ZNF582: variants seen among roughly 807,000 people sequenced by gnomAD.
ZNF582 encodes the protein zinc finger protein 582.
A neutral mutation model predicts 12.3 loss-of-function variants in ZNF582; 14 were observed. The ratio of observed to expected loss-of-function variants is 1.14; its 90% CI spans 0.75 to 1.78. The LOEUF (loss-of-function observed/expected upper bound fraction) is 1.78. ZNF582 is among the 40% of genes most tolerant of loss of function. ZNF582 has a pLI of 0.00. For synonymous variants in ZNF582, 210 were observed against 207.2 expected (o/e 1.01, Z -0.11); for missense variants, 567 against 616.5 (o/e 0.92, Z 0.85).
At chr19:56,390,902 A>G (rs960271497) in intron 2 of ZNF582, among the ~76,000 whole-genome samples, 6 of 152,224 alleles carry the variant, frequency 3.9e-5, no homozygotes, top group African/African-American at 1.4e-4. Flanking sequence ...TTTTCCCCAA[A>G]TATTTTATTT....
chr19:56,393,355 C>T (rs576442725), exon 1 of ZNF582: 4 of 983,452 alleles, frequency 4.1e-6, no homozygotes, highest in South Asian at 4.0e-5. Context: ...GAGACGTCTG[C>T]GTTCTTCTCA....
intron 1 of ZNF582, 79 bp from the exon 2 acceptor site, chr19:56,391,911 G>A: frequency 8.1e-7 from 1 of 1,237,796 alleles, no homozygotes; most frequent in Admixed American, 2.0e-5. Flanking sequence ...GTCCCCACCT[G>A]CTTGCCCTCT....
At chr19:56,388,672 G>A (rs1159873650) in intron 4 of ZNF582, among the ~76,000 whole-genome samples, 3 of 151,946 alleles carry the variant, frequency 2.0e-5, no homozygotes, top group East Asian at 1.9e-4. Flanking sequence ...TCTCTCTGTT[G>A]CCCCAGCTGG....
At chr19:56,390,433 A>G (rs1396746933) in exon 3 of ZNF582, 1 of 1,614,146 alleles carries the variant, frequency 6.2e-7, no homozygotes, top group Non-Finnish European at 8.5e-7. Context: ...AATCCCTCTG[A>G]GCAGGTGCCA....
intron 4 of ZNF582, 85 bp from the exon 5 acceptor site, chr19:56,385,269 CA>C: frequency 7.4e-7 from 1 of 1,352,948 alleles, no homozygotes; most frequent in Non-Finnish European, 9.9e-7. Flanking sequence ...GGTTTAGACT[CA>C]ATGCCTATTA....
chr19:56,385,404 G>A (rs2041958614), intron 4 of ZNF582, among the ~76,000 whole-genome samples: 1 of 152,134 alleles, frequency 6.6e-6, no homozygotes, highest in Non-Finnish European at 1.5e-5. Context: ...GTTAGTGTGG[G>A]GCTGGGCATG....
exon 5 of ZNF582, chr19:56,385,095 G>T (rs367953813): frequency 4.7e-5 from 76 of 1,613,830 alleles, no homozygotes; most frequent in African/African-American, 6.7e-5. Flanking sequence ...TAACTTGTAA[G>T]GCTTTCCATT....
intron 2 of ZNF582, 56 bp downstream of exon 2, chr19:56,391,688 C>G: frequency 6.5e-7 from 1 of 1,537,816 alleles, no homozygotes; most frequent in Non-Finnish European, 9.0e-7. Flanking sequence ...GGATGGAACC[C>G]AGGTGGAAAG....
At chr19:56,386,977 T>G (rs756107536) in intron 4 of ZNF582, among the ~76,000 whole-genome samples, 1 of 152,280 alleles carries the variant, frequency 6.6e-6, no homozygotes, top group Non-Finnish European at 1.5e-5. Flanking sequence ...CACCTTTTCA[T>G]ACTTTAAATT....
At chr19:56,388,148 G>C (rs1261146247) in intron 4 of ZNF582, 2 of 151,920 alleles carry the variant, frequency 1.3e-5, no homozygotes, top group Middle Eastern at 3.4e-3. Flanking sequence ...AAAAGGGGGG[G>C]GGGATTATGT....
intron 2 of ZNF582, among the ~76,000 whole-genome samples, chr19:56,391,154 C>T (rs960032236): frequency 6.6e-6 from 1 of 152,180 alleles, no homozygotes; most frequent in African/African-American, 2.4e-5. Flanking sequence ...CTTTTCCAAG[C>T]CCTGACCACT....
chr19:56,393,449 C>A lies in ZNF582; in HGVS notation c.-310G>T. The A allele has an allele frequency of 1.9e-6, 1 of 528,068 alleles. No individual in the cohort carries two copies. The highest frequency in any genetic ancestry group is 3.7e-6 in the Non-Finnish European group (1 of 271,662). The allele number at this position is 528,068 out of a possible 1,614,324, so 32.7% of individuals were successfully genotyped here. ...AGCTCCGGAACCTCTCACCTGCCGC[C>A]TCCTCGGGTCCAAGTGCCACCGCGG... On this transcript the variant is annotated 5_prime_UTR_variant, in exon 1 of 5. The change creates a new upstream start codon in the 5' untranslated region. Coordinates refer to ENST00000586929, the Ensembl canonical transcript of ZNF582.
intron 2 of ZNF582, among the ~76,000 whole-genome samples, chr19:56,391,000 T>C (rs185856331): frequency 1.2e-3 from 188 of 152,348 alleles, no homozygotes; most frequent in African/African-American, 4.4e-3. Context: ...TTCATCATTA[T>C]GTTGGAACAT....
exon 3 of ZNF582, chr19:56,390,449 T>A: frequency 6.2e-7 from 1 of 1,614,182 alleles, no homozygotes; most frequent in Non-Finnish European, 8.5e-7. Context: ...TGCCAACCAC[T>A]GCCATTCTTC....
exon 4 of ZNF582, chr19:56,390,059 T>C: frequency 1.2e-6 from 2 of 1,613,834 alleles, no homozygotes; most frequent in East Asian, 2.2e-5. Flanking sequence ...TGCCTTGCTC[T>C]AGGAAGGAGA....
intron 4 of ZNF582, among the ~76,000 whole-genome samples, chr19:56,385,844 G>A (rs913479162): frequency 1.1e-4 from 17 of 152,166 alleles, no homozygotes; most frequent in African/African-American, 3.6e-4. Flanking sequence ...AACTTTTTGG[G>A]TTGATGGAAA....
At chr19:56,390,139 G>A (rs369440589) in intron 3 of ZNF582, 43 bp from the exon 4 acceptor site, 25 of 1,586,248 alleles carry the variant, frequency 1.6e-5, no homozygotes, top group Non-Finnish European at 2.2e-5. Context: ...TGGTGTGGGG[G>A]CCCCAGAATT....
chr19:56,391,917 C>T, intron 1 of ZNF582, 85 bp from the exon 2 acceptor site: 2 of 1,129,294 alleles, frequency 1.8e-6, no homozygotes, highest in Non-Finnish European at 2.5e-6. Flanking sequence ...ACCTGCTTGC[C>T]CTCTGCCCAC....
In ZNF582 at chr19:56,390,625, G is replaced by A. The variant is rs2042007523; in HGVS notation, c.10-124C>T. The A allele has an allele frequency of 8.1e-6, 8 of 983,530 alleles. No homozygotes were observed. In the East Asian group the frequency reaches 1.2e-4, roughly 15 times the overall value. 60.9% of individuals were successfully genotyped at this position (983,530 alleles called of 1,614,324 possible). On this transcript the variant is annotated intron_variant, in intron 2 of 4. Transcript: ENST00000586929. The stretch of plus-strand genomic sequence containing the variant: ...TTGAACAAGAAGGGTGGGACTGAAT[G>A]TGAAAGGTGACAGAAGAAATGGGGA...
Sources: gnomAD v4.1 joint callset for allele counts (sites outside exome capture counted in the v4.1 genomes callset) on GRCh38, gnomAD v4.1.1 for gene constraint, MANE v1.5 for transcripts, NCBI Gene and HGNC (gene_info 2026-07-23, HGNC 2026-07-21) for gene names.